CCDC144A: variants seen among roughly 807,000 people sequenced by gnomAD.
The protein encoded by CCDC144A is coiled-coil domain containing 144A, also known as coiled-coil domain-containing protein 144A.
Under a neutral mutation model 143.8 loss-of-function variants are expected in CCDC144A, and 41 were observed. The observed-to-expected ratio is 0.29, with a 90% CI of 0.22 to 0.37. CCDC144A has a LOEUF of 0.37. Ranked by LOEUF, CCDC144A falls within the 10% of genes least tolerant of loss-of-function variation. The pLI, the probability that CCDC144A is intolerant of heterozygous loss-of-function variation, is 1.00. For missense variants in CCDC144A, 637 were observed against 1,488.8 expected (o/e 0.43, Z 9.41); for synonymous variants, 242 against 517.9 (o/e 0.47, Z 7.23).
chr17:16,767,526 T>C (rs1915657262), intron 15 of CCDC144A, among the ~76,000 whole-genome samples: 1 of 148,246 alleles, frequency 6.7e-6, no homozygotes, highest in Non-Finnish European at 1.5e-5. Context: ...GTGGGGTGGG[T>C]TTCTGGGTGG....
chr17:16,716,892 C>A (rs562642898), intron 6 of CCDC144A, among the ~76,000 whole-genome samples: 1 of 149,970 alleles, frequency 6.7e-6, no homozygotes, highest in East Asian at 2.0e-4. Flanking sequence ...CAGCTCACTG[C>A]AAGCTCCGCC....
At chr17:16,750,564 T>G (rs962379635) in intron 12 of CCDC144A, among the ~76,000 whole-genome samples, 5 of 151,614 alleles carry the variant, frequency 3.3e-5, no homozygotes, top group Non-Finnish European at 7.3e-5. Flanking sequence ...TTCTCTGAAT[T>G]TCTTGAATTT....
At chr17:16,746,883 C>T in intron 12 of CCDC144A, 3 of 577,442 alleles carry the variant, frequency 5.2e-6, no homozygotes, top group Non-Finnish European at 5.9e-6. Flanking sequence ...TCTCCCTTCT[C>T]TCCCTCCCCT....
intron 12 of CCDC144A, among the ~76,000 whole-genome samples, chr17:16,758,400 G>A (rs915132751): frequency 2.0e-5 from 3 of 152,202 alleles, no homozygotes; most frequent in Admixed American, 6.5e-5. Flanking sequence ...ATGCACCCTG[G>A]GTTGTGGTTT....
chr17:16,738,223 T>C (rs1240642258), intron 12 of CCDC144A, among the ~76,000 whole-genome samples: 9 of 144,406 alleles, frequency 6.2e-5, no homozygotes, highest in Non-Finnish European at 1.2e-4. Context: ...TCCTTTATTT[T>C]CCTTTCATTT....
At chr17:16,772,173 G>A (rs1255378100) in intron 16 of CCDC144A, among the ~76,000 whole-genome samples, 154 bp downstream of exon 16, 1 of 151,964 alleles carries the variant, frequency 6.6e-6, no homozygotes, top group Non-Finnish European at 1.5e-5. Flanking sequence ...ACTTGAACAT[G>A]TATAATGAAG....
chr17:16,707,368 T>C, intron 3 of CCDC144A, 101 bp from the exon 4 acceptor site: 1 of 649,906 alleles, frequency 1.5e-6, no homozygotes, highest in Non-Finnish European at 2.6e-6. Context: ...ACTCTCAATT[T>C]ATGAAATAAA....
At chr17:16,753,249 A>G (rs1914883165) in intron 12 of CCDC144A, among the ~76,000 whole-genome samples, 1 of 150,822 alleles carries the variant, frequency 6.6e-6, no homozygotes, top group Non-Finnish European at 1.5e-5. Context: ...TCCTGGCTGC[A>G]TGTGGTGACC....
intron 12 of CCDC144A, chr17:16,745,999 C>A: frequency 1.2e-6 from 2 of 1,611,346 alleles, no homozygotes; most frequent in Admixed American, 3.3e-5. Flanking sequence ...GATTCAGATT[C>A]TTGTTCTTGA....
chr17:16,686,102 T>TTG (rs1555529429), upstream of CCDC144A, among the ~76,000 whole-genome samples: 141 of 147,146 alleles, frequency 9.6e-4, 1 homozygote, highest in African/African-American at 3.6e-3. Context: ...TTTTTTTTTT[T>TTG]TTTTTTTTTT....
At chr17:16,729,443 A>G (rs1283063112) in intron 9 of CCDC144A, among the ~76,000 whole-genome samples, 1 of 151,894 alleles carries the variant, frequency 6.6e-6, no homozygotes, top group Admixed American at 6.6e-5. Flanking sequence ...GATTATTTGC[A>G]TTTTCTTGCT....
chr17:16,751,773 C>T (rs1026906449), intron 12 of CCDC144A, among the ~76,000 whole-genome samples: 6 of 152,222 alleles, frequency 3.9e-5, no homozygotes, highest in African/African-American at 1.4e-4. Flanking sequence ...GGAGGATCCC[C>T]GGGCAGGGCT....
chr17:16,675,583 T>G, the CCDC144A span, among the ~76,000 whole-genome samples: 1 of 151,996 alleles, frequency 6.6e-6, no homozygotes, highest in South Asian at 2.1e-4. Context: ...TTTCTTGATT[T>G]TTAAAAGTCT....
chr17:16,745,986 T>A, intron 12 of CCDC144A: 1 of 1,610,772 alleles, frequency 6.2e-7, no homozygotes, highest in Non-Finnish European at 8.5e-7. Flanking sequence ...ATGGTGTCTT[T>A]GTGATTCAGA....
At chr17:16,727,772 T>C in intron 9 of CCDC144A, 32 bp downstream of exon 9, 2 of 1,599,944 alleles carry the variant, frequency 1.3e-6, no homozygotes, top group African/African-American at 2.8e-5. Flanking sequence ...GAAATGTTTA[T>C]ACTAAAGACA....
chr17:16,772,567 C>T (rs1334944961), intron 16 of CCDC144A: 1 of 768,594 alleles, frequency 1.3e-6, no homozygotes, highest in East Asian at 2.7e-5. Context: ...GCTTATCTCT[C>T]ACCACTTACT....
intron 5 of CCDC144A, among the ~76,000 whole-genome samples, chr17:16,711,094 T>TCAG (rs201817200): frequency 0.096 from 12,461 of 129,746 alleles, 750 homozygotes; most frequent in Non-Finnish European, 0.12. Context: ...GACTTGTATT[T>TCAG]CAGTAAGCAC....
chr17:16,760,992 C>T (rs778678), intron 12 of CCDC144A, among the ~76,000 whole-genome samples: 11,756 of 144,290 alleles, frequency 0.081, 234 homozygotes, highest in Non-Finnish European at 0.11. Context: ...GAATCTACAA[C>T]AGTATAGGTA....
At chr17:16,671,323 G>T in the CCDC144A span, among the ~76,000 whole-genome samples, 2 of 152,018 alleles carry the variant, frequency 1.3e-5, no homozygotes, top group Non-Finnish European at 1.5e-5. Flanking sequence ...ACATTAAAAT[G>T]ATAGGATTTA....
Sources: allele counts gnomAD v4.1 joint callset (sites outside exome capture counted in the v4.1 genomes callset), GRCh38; gene constraint gnomAD v4.1.1; transcripts MANE v1.5; gene names NCBI Gene and HGNC (gene_info 2026-07-23, HGNC 2026-07-21).